The following CSMD1 variants were observed in gnomAD, a reference collection of about 807,000 sequenced individuals.
The protein encoded by CSMD1 is CUB and sushi domain-containing protein 1.
In CSMD1, 213 loss-of-function variants were observed where a neutral mutation model predicts 417.5. The observed-to-expected ratio is 0.51, with a 90% confidence interval of 0.46 to 0.57. CSMD1 has a LOEUF of 0.57. CSMD1 is among the 20% of genes least tolerant of loss of function. CSMD1 has a pLI of 0.00. For synonymous variants in CSMD1, 2,862 were observed against 1,736.8 expected (o/e 1.65, Z -16.11); for missense variants, 6,923 against 4,529.7 (o/e 1.53, Z -15.17).
intron 3 of CSMD1, among the ~76,000 whole-genome samples, chr8:4,153,021 T>C (rs957338597): frequency 6.6e-6 from 1 of 152,260 alleles, no homozygotes; most frequent in East Asian, 1.9e-4. Context: ...ATACCATTTA[T>C]TACAATTGTA....
intron 1 of CSMD1, among the ~76,000 whole-genome samples, chr8:4,984,852 C>A (rs1220720238): frequency 6.6e-6 from 1 of 152,122 alleles, no homozygotes; most frequent in East Asian, 1.9e-4. Flanking sequence ...AAAAACACAC[C>A]CCTGGGTGGA....
intron 12 of CSMD1, among the ~76,000 whole-genome samples, chr8:3,422,128 G>C (rs902645385): frequency 5.3e-5 from 8 of 152,124 alleles, no homozygotes; most frequent in Non-Finnish European, 5.9e-5. Context: ...AAATCTCCAA[G>C]GTCACTCTAC....
intron 49 of CSMD1, among the ~76,000 whole-genome samples, chr8:3,054,332 T>C (rs779806200): frequency 5.3e-5 from 8 of 152,188 alleles, no homozygotes; most frequent in Admixed American, 3.3e-4. Context: ...CAAAAATACA[T>C]GTGGGCCGGG....
At chr8:4,750,038 GCT>G (rs1199063131) in intron 1 of CSMD1, among the ~76,000 whole-genome samples, 4 of 151,418 alleles carry the variant, frequency 2.6e-5, no homozygotes, top group African/African-American at 9.7e-5. Context: ...ATGGAGTCTC[GCT>G]CTGTCGCCCA....
At chr8:4,472,848 T>C (rs945325668) in intron 2 of CSMD1, among the ~76,000 whole-genome samples, 4 of 152,008 alleles carry the variant, frequency 2.6e-5, no homozygotes, top group Admixed American at 6.6e-5. Flanking sequence ...GTAAGTGTGA[T>C]GACATATGAT....
At chr8:4,725,037 C>T (rs547947725) in intron 1 of CSMD1, among the ~76,000 whole-genome samples, 2 of 151,996 alleles carry the variant, frequency 1.3e-5, no homozygotes, top group African/African-American at 2.4e-5. Flanking sequence ...TATACTTTTG[C>T]TATTTTAAAC....
intron 5 of CSMD1, among the ~76,000 whole-genome samples, chr8:3,761,818 T>G (rs1798020316): frequency 6.6e-6 from 1 of 152,104 alleles, no homozygotes; most frequent in Non-Finnish European, 1.5e-5. Context: ...AATTACCACT[T>G]TCTACAAGTC....
chr8:4,821,333 G>C (rs536447280), intron 1 of CSMD1, among the ~76,000 whole-genome samples: 7 of 152,266 alleles, frequency 4.6e-5, no homozygotes, highest in East Asian at 1.9e-4. Flanking sequence ...CCGTTAGTCA[G>C]AGAAACTTTA....
At chr8:3,068,108 T>C (rs77983818) in intron 49 of CSMD1, among the ~76,000 whole-genome samples, 8,965 of 152,232 alleles carry the variant, frequency 0.059, 264 homozygotes, top group Middle Eastern at 0.078. Flanking sequence ...ATGCCTCAAT[T>C]ATTTCAGATT....
chr8:4,637,747 T>C (rs1346678149), intron 1 of CSMD1, among the ~76,000 whole-genome samples, 189 bp from the exon 2 acceptor site: 1 of 138,028 alleles, frequency 7.2e-6, no homozygotes, highest in Non-Finnish European at 1.5e-5. Flanking sequence ...CTCAGCTCAC[T>C]GCAAGCTCCG....
At chr8:4,279,020 T>C (rs1796637657) in intron 3 of CSMD1, among the ~76,000 whole-genome samples, 1 of 152,350 alleles carries the variant, frequency 6.6e-6, no homozygotes, top group East Asian at 1.9e-4. Context: ...TTGTTAAAGT[T>C]GAGCTATGGA....
At chr8:3,377,689 G>C (rs554120943) in intron 18 of CSMD1, among the ~76,000 whole-genome samples, 1 of 152,064 alleles carries the variant, frequency 6.6e-6, no homozygotes, top group East Asian at 1.9e-4. Context: ...TGGTAATTCT[G>C]CTCATATCCT....
At chr8:2,978,534 A>C (rs1369640245) in intron 55 of CSMD1, 78 bp downstream of exon 55, 1 of 1,180,990 alleles carries the variant, frequency 8.5e-7, no homozygotes. Context: ...GTGCCTTTTA[A>C]ATATACTTAC....
At chr8:4,104,990 A>G (rs1000523327) in intron 3 of CSMD1, among the ~76,000 whole-genome samples, 1 of 109,682 alleles carries the variant, frequency 9.1e-6, no homozygotes, top group Non-Finnish European at 2.2e-5. Context: ...ACAGTTTCAC[A>G]TTAAAAAAAA....
At chr8:3,374,323 T>A (rs988874890) in intron 18 of CSMD1, among the ~76,000 whole-genome samples, 1 of 152,114 alleles carries the variant, frequency 6.6e-6, no homozygotes, top group African/African-American at 2.4e-5. Flanking sequence ...TATCCCATCC[T>A]GCATTTAGAG....
chr8:4,373,977 T>A (rs1219921134), intron 3 of CSMD1, among the ~76,000 whole-genome samples: 2 of 152,176 alleles, frequency 1.3e-5, no homozygotes, highest in Admixed American at 1.3e-4. Context: ...ATATATACCA[T>A]TAACGGAAAA....
chr8:3,655,286 A>G (rs1272354654), intron 7 of CSMD1, among the ~76,000 whole-genome samples: 5 of 152,202 alleles, frequency 3.3e-5, no homozygotes, highest in African/African-American at 9.6e-5. Flanking sequence ...CATGAAGGCT[A>G]TCTTTGTGCA....
chr8:4,686,876 G>C (rs1272474613), intron 1 of CSMD1, among the ~76,000 whole-genome samples: 1 of 152,164 alleles, frequency 6.6e-6, no homozygotes, highest in African/African-American at 2.4e-5. Context: ...CTGAGCAGGC[G>C]ATGGCCCAAG....
chr8:2,946,623 T>A (rs1269440734), intron 68 of CSMD1, among the ~76,000 whole-genome samples: 1 of 152,230 alleles, frequency 6.6e-6, no homozygotes, highest in Non-Finnish European at 1.5e-5. Context: ...TATTACATAT[T>A]GTTTATTCAT....
Sources: allele counts gnomAD v4.1 joint callset (sites outside exome capture counted in the v4.1 genomes callset), GRCh38; gene constraint gnomAD v4.1.1; transcripts MANE v1.5; gene names NCBI Gene and HGNC (gene_info 2026-07-23, HGNC 2026-07-21).